CNTN4: variants seen among roughly 807,000 people sequenced by gnomAD.
CNTN4 encodes the protein contactin-4.
A neutral mutation model predicts 122.5 loss-of-function variants in CNTN4; 77 were observed. The observed-to-expected ratio is 0.63, with a 90% CI of 0.52 to 0.76. The LOEUF is 0.76. CNTN4 is among the 30% of genes least tolerant of loss of function. The pLI is 0.00. For missense variants in CNTN4, 1,256 were observed against 1,259.1 expected (o/e 1.00, Z 0.04); for synonymous variants, 512 against 447.0 (o/e 1.15, Z -1.83).
intron 3 of CNTN4, among the ~76,000 whole-genome samples, chr3:2,540,674 T>A (rs2077997557): frequency 6.6e-6 from 1 of 152,100 alleles, no homozygotes; most frequent in Non-Finnish European, 1.5e-5. Context: ...TTCATAAACA[T>A]AATCTTTAAG....
intron 2 of CNTN4, among the ~76,000 whole-genome samples, chr3:2,180,739 T>G (rs1160417100): frequency 6.6e-6 from 1 of 152,058 alleles, no homozygotes; most frequent in African/African-American, 2.4e-5. Flanking sequence ...TCACGCACAC[T>G]TACAGAAAGC....
intron 6 of CNTN4, among the ~76,000 whole-genome samples, chr3:2,787,094 C>G (rs1011428870): frequency 1.3e-5 from 2 of 152,086 alleles, no homozygotes; most frequent in Non-Finnish European, 2.9e-5. Context: ...TTAAGAAAAT[C>G]GGCCAGGCGC....
intron 3 of CNTN4, among the ~76,000 whole-genome samples, chr3:2,505,815 G>C (rs543548497): frequency 6.6e-6 from 1 of 152,312 alleles, no homozygotes; most frequent in South Asian, 2.1e-4. Flanking sequence ...TACTTAAAGA[G>C]AAACTTGAAC....
chr3:2,114,280 C>G (rs780408859), intron 2 of CNTN4, among the ~76,000 whole-genome samples: 1 of 151,526 alleles, frequency 6.6e-6, no homozygotes, highest in Non-Finnish European at 1.5e-5. Context: ...TGGCAAAACC[C>G]CATCTCAAAA....
intron 2 of CNTN4, among the ~76,000 whole-genome samples, chr3:2,319,006 G>C (rs1476016608): frequency 6.6e-6 from 1 of 152,128 alleles, no homozygotes; most frequent in African/African-American, 2.4e-5. Flanking sequence ...GGAGGGGCCA[G>C]TTAACTAATT....
chr3:2,207,577 G>C (rs1153539), intron 2 of CNTN4, among the ~76,000 whole-genome samples: 120,007 of 152,024 alleles, frequency 0.79, 48,164 homozygotes, highest in African/African-American at 0.92. Context: ...CAGGAACGAA[G>C]TGTCTAAAAT....
chr3:2,343,938 G>A (rs999922161), intron 3 of CNTN4, among the ~76,000 whole-genome samples: 1 of 152,172 alleles, frequency 6.6e-6, no homozygotes, highest in African/African-American at 2.4e-5. Flanking sequence ...GGGCAAAGGG[G>A]CAGCAGGCAT....
intron 3 of CNTN4, among the ~76,000 whole-genome samples, chr3:2,411,248 G>C (rs2047216381): frequency 2.0e-5 from 3 of 152,112 alleles, no homozygotes; most frequent in African/African-American, 7.2e-5. Context: ...GTGATGGATT[G>C]ATAGGTGCAG....
intron 2 of CNTN4, among the ~76,000 whole-genome samples, chr3:2,329,927 A>G (rs866409516): frequency 6.6e-6 from 1 of 152,256 alleles, no homozygotes; most frequent in Middle Eastern, 3.4e-3. Context: ...TGACACATCC[A>G]TTTTCAGGTA....
chr3:2,440,690 G>GTA (rs562453301), intron 3 of CNTN4, among the ~76,000 whole-genome samples: 1 of 150,910 alleles, frequency 6.6e-6, no homozygotes, highest in Non-Finnish European at 1.5e-5. Context: ...ACACATATAC[G>GTA]TATATATATG....
At chr3:2,752,133 TC>T (rs2090125549) in intron 6 of CNTN4, among the ~76,000 whole-genome samples, 2 of 152,184 alleles carry the variant, frequency 1.3e-5, no homozygotes, top group Non-Finnish European at 2.9e-5. Context: ...TCCCTCCATG[TC>T]CTGTCTTTTT....
intron 3 of CNTN4, among the ~76,000 whole-genome samples, chr3:2,443,858 G>C (rs1438580858): frequency 2.6e-5 from 4 of 152,032 alleles, no homozygotes; most frequent in African/African-American, 9.7e-5. Flanking sequence ...TTACTATCCA[G>C]CTGATTTTGT....
Position 2,925,647 on chromosome 3 carries a change from C to T in CNTN4, c.1226C>T (p.Ser409Leu). The change falls in exon 13 of 25, where the codon TCA becomes TTA. Residue 409 changes from serine to leucine, a missense_variant. By Grantham distance (145) the Ser-to-Leu change is moderately radical. Transcript: ENST00000418658. ...LSVIAVGPDF[S>L]RTLLKRVTLV... ...CTTTCAGCTGTAGGTCCAGATTTTT[C>T]AAGAACACTCTTGAAAAGAGTAACT... 1 of 1,613,790 alleles carries T rather than the reference C, an allele frequency of 6.2e-7. No individual in the cohort carries two copies. Among genetic ancestry groups the T allele is most frequent in the Non-Finnish European group, 8.5e-7 (1 of 1,179,866 alleles).
chr3:2,796,972 T>C (rs969968981), intron 6 of CNTN4, among the ~76,000 whole-genome samples: 3 of 152,098 alleles, frequency 2.0e-5, no homozygotes, highest in Admixed American at 2.0e-4. Flanking sequence ...CCCAAACTGG[T>C]GAATTCTGCT....
At chr3:2,456,165 C>A (rs2048991450) in intron 3 of CNTN4, among the ~76,000 whole-genome samples, 1 of 152,010 alleles carries the variant, frequency 6.6e-6, no homozygotes, top group African/African-American at 2.4e-5. Flanking sequence ...GAATCTGAAT[C>A]TCATGATCTT....
At chr3:2,189,639 G>T (rs558619165) in intron 2 of CNTN4, among the ~76,000 whole-genome samples, 9 of 152,250 alleles carry the variant, frequency 5.9e-5, no homozygotes, top group African/African-American at 2.2e-4. Context: ...AGAATGAGGG[G>T]CTGGAGCCCC....
intron 3 of CNTN4, among the ~76,000 whole-genome samples, chr3:2,387,579 A>C (rs1343168833): frequency 6.6e-6 from 1 of 152,170 alleles, no homozygotes; most frequent in Non-Finnish European, 1.5e-5. Flanking sequence ...AAGAATATTT[A>C]ATAATAGAGA....
intron 3 of CNTN4, among the ~76,000 whole-genome samples, chr3:2,482,011 G>A (rs2076020339): frequency 6.6e-6 from 1 of 152,224 alleles, no homozygotes; most frequent in South Asian, 2.1e-4. Flanking sequence ...TGGTACTGCA[G>A]AGAGTGGGGT....
intron 2 of CNTN4, among the ~76,000 whole-genome samples, chr3:2,104,779 A>T (rs1344064471): frequency 6.6e-6 from 1 of 152,212 alleles, no homozygotes; most frequent in African/African-American, 2.4e-5. Context: ...ATAACTAGCC[A>T]GTCTTTGTCA....
Sources: gnomAD v4.1 joint callset for allele counts (sites outside exome capture counted in the v4.1 genomes callset) on GRCh38, gnomAD v4.1.1 for gene constraint, MANE v1.5 for transcripts, NCBI Gene and HGNC (gene_info 2026-07-23, HGNC 2026-07-21) for gene names.